ZNF100: variants seen among roughly 807,000 people sequenced by gnomAD.
ZNF100 encodes zinc finger protein 100.
A neutral mutation model predicts 15.8 loss-of-function variants in ZNF100; 12 were observed. The ratio of observed to expected loss-of-function variants is 0.76; its 90% CI spans 0.49 to 1.23. The LOEUF is 1.23. Among genes scored for constraint, ZNF100 ranks in the 50% most tolerant of loss-of-function variants. ZNF100 has a pLI of 0.00. For missense variants in ZNF100, 670 were observed against 635.6 expected (o/e 1.05, Z -0.58); for synonymous variants, 226 against 214.8 (o/e 1.05, Z -0.45).
At chr19:21,730,668 A>G (rs1258652195) in intron 4 of ZNF100, among the ~76,000 whole-genome samples, 13 of 152,208 alleles carry the variant, frequency 8.5e-5, no homozygotes, top group Admixed American at 3.9e-4. Flanking sequence ...ACAGAGGTAT[A>G]GAGAAGATTC....
chr19:21,727,265 T>G lies in ZNF100; in HGVS notation c.1047A>C (p.Glu349Asp). 2 of 1,613,696 alleles carry G rather than the reference T, an allele frequency of 1.2e-6. No individual in the cohort carries two copies. Among genetic ancestry groups the G allele is most frequent in the Non-Finnish European group, 1.7e-6 (2 of 1,179,932 alleles). Residue 349 changes from glutamate (E) to aspartate (D), a missense_variant, in exon 5 of 5, where the codon GAA becomes GAC. Coordinates refer to ENST00000358296, the MANE Select transcript of ZNF100 (RefSeq NM_173531.4). ...AGGACTGGTTAAAGGCTTTGCCACATTCTTCACATTTGTAGGGTTTCTCTC... is the reference window on the plus strand; with the variant it reads ...AGGACTGGTTAAAGGCTTTGCCACAGTCTTCACATTTGTAGGGTTTCTCTC... ...HTGEKPYKCE[E>D]CGKAFNQSST...
In ZNF100 at chr19:21,736,179, G is replaced by A. The variant is rs192151757; in HGVS notation, c.322+7838C>T. 3.6e-3 allele frequency among the ~76,000 whole-genome samples: 551 copies of A among 151,984 alleles called. 9 individuals carry two copies. The highest frequency in any genetic ancestry group is 0.013 in the African/African-American group (522 of 41,436). The stretch of plus-strand genomic sequence containing the variant: ...CTTGGCTCACTGCAACCTTCACTTC[G>A]CAGGTTCAAGTGATTCTCCTGCCTC... On this transcript the variant is annotated intron_variant, in intron 4 of 4. Coordinates refer to ENST00000358296, the MANE Select transcript of ZNF100 (RefSeq NM_173531.4).
intron 4 of ZNF100, among the ~76,000 whole-genome samples, chr19:21,735,419 C>T (rs10422982): frequency 6.7e-6 from 1 of 150,342 alleles, no homozygotes; most frequent in South Asian, 2.1e-4. Flanking sequence ...GCATGAACCC[C>T]GGAGGCGGAG....
chr19:21,760,426 C>T lies in ZNF100; in HGVS notation c.96+5268G>A, dbSNP rs185776794. 1.8e-4 allele frequency among the ~76,000 whole-genome samples: 28 copies of T among 151,578 alleles called. No individual in the cohort carries two copies. In the East Asian group the frequency reaches 4.6e-3, roughly 25 times the overall value. ...GGGAGAATCGCTTGAACCTGAGAGG[C>T]GGAGGTTGCAGTGAGCCAAGATTGC... On this transcript the variant is annotated intron_variant, in intron 2 of 4. Coordinates refer to ENST00000358296, the MANE Select transcript of ZNF100 (RefSeq NM_173531.4).
chr19:21,730,048 G>A (rs1245012829), intron 4 of ZNF100, among the ~76,000 whole-genome samples: 1 of 151,754 alleles, frequency 6.6e-6, no homozygotes, highest in Non-Finnish European at 1.5e-5. Flanking sequence ...GAGAAAATGA[G>A]TGACCAAGAT....
chr19:21,741,074 T>C (rs1259426464), intron 4 of ZNF100, among the ~76,000 whole-genome samples: 2 of 152,190 alleles, frequency 1.3e-5, no homozygotes, highest in Admixed American at 1.3e-4. Flanking sequence ...TGGAATATTA[T>C]ACAGACTTAA....
chr19:21,750,726 C>T (rs1240540272), intron 2 of ZNF100: 4 of 300,524 alleles, frequency 1.3e-5, no homozygotes, highest in Non-Finnish European at 2.4e-5. Context: ...AGCGAGGAGG[C>T]ACCTGCTTGC....
chr19:21,741,397 C>G (rs565094412), intron 4 of ZNF100, among the ~76,000 whole-genome samples: 1 of 151,874 alleles, frequency 6.6e-6, no homozygotes, highest in African/African-American at 2.4e-5. Flanking sequence ...TTTTTTGAGA[C>G]GGTGTTTTGC....
At chr19:21,745,902 A>T (rs1449711065) in intron 2 of ZNF100, among the ~76,000 whole-genome samples, 1 of 152,212 alleles carries the variant, frequency 6.6e-6, no homozygotes, top group Admixed American at 6.5e-5. Context: ...ACATCCAGTA[A>T]GTGGAAGAGC....
At chr19:21,733,757 GA>G (rs2145695658) in intron 4 of ZNF100, among the ~76,000 whole-genome samples, 1 of 152,244 alleles carries the variant, frequency 6.6e-6, no homozygotes, top group South Asian at 2.1e-4. Flanking sequence ...CTGACTGAGT[GA>G]GGACCACCCC....
At chr19:21,751,692 T>G in intron 2 of ZNF100, 2 of 1,212,088 alleles carry the variant, frequency 1.7e-6, no homozygotes, top group Non-Finnish European at 2.4e-6. Flanking sequence ...CAGTTTAATA[T>G]TAATGTTCCT....
Position 21,761,898 on chromosome 19 carries a change from C to T in ZNF100, c.96+3796G>A, listed in dbSNP as rs549856528. ...CACAGAGTTGAGTCTGTGGCTAGAGCCGGTCAGAAAGCATGAATCTGAAAG... is the reference window on the plus strand; with the variant it reads ...CACAGAGTTGAGTCTGTGGCTAGAGTCGGTCAGAAAGCATGAATCTGAAAG... On this transcript the variant is annotated intron_variant, in intron 2 of 4. Coordinates refer to ENST00000358296, the MANE Select transcript of ZNF100 (RefSeq NM_173531.4). 5.3e-5 allele frequency among the ~76,000 whole-genome samples: 8 copies of T among 152,290 alleles called. No individual in the cohort carries two copies. In the East Asian group the frequency reaches 1.2e-3, roughly 22 times the overall value.
chr19:21,765,584 AT>A, intron 2 of ZNF100, 109 bp downstream of exon 2: 2 of 926,922 alleles, frequency 2.2e-6, no homozygotes, highest in Non-Finnish European at 3.4e-6. Context: ...AGCAGAAATT[AT>A]TTTTGTGTTT....
chr19:21,767,464 G>A lies in ZNF100; in HGVS notation c.-35C>T. On this transcript the variant is annotated 5_prime_UTR_variant, in exon 1 of 5. Transcript: ENST00000358296. Reference sequence around the variant, plus strand: ...TCTAGGGGGTCCTGGCGTCTTAGCTGTGGATCTCCCAATATCTGCAGGTCA... The same window carrying A: ...TCTAGGGGGTCCTGGCGTCTTAGCTATGGATCTCCCAATATCTGCAGGTCA... The A allele has an allele frequency of 6.2e-7, 1 of 1,614,002 alleles. No individual in the cohort carries two copies. Among genetic ancestry groups the A allele is most frequent in the Non-Finnish European group, 8.5e-7 (1 of 1,179,920 alleles).
At chr19:21,751,966 G>A (rs2036314818) in intron 2 of ZNF100, 1 of 413,416 alleles carries the variant, frequency 2.4e-6, no homozygotes, top group Non-Finnish European at 4.4e-6. Flanking sequence ...CATCTACAAA[G>A]ACTGGAGAAA....
intron 3 of ZNF100, 33 bp downstream of exon 3, chr19:21,744,908 A>G (rs1459733161): frequency 1.3e-6 from 2 of 1,593,620 alleles, no homozygotes; most frequent in Admixed American, 3.8e-5. Context: ...CCTTTACGGT[A>G]TATTAGAAAT....
In ZNF100 at chr19:21,730,453, T is replaced by A. The variant is rs905026274; in HGVS notation, c.323-2464A>T. On this transcript the variant is annotated intron_variant, in intron 4 of 4. Transcript: ENST00000358296. ...CATTTACTGATAACCTAAGTGTGTG[T>A]GTGTGTGTGTGTGTGTGTGTGTGTG... Among the ~76,000 whole-genome samples the A allele has an allele frequency of 1.9e-3, 271 of 144,408 alleles. 1 individual carries two copies. Among genetic ancestry groups the A allele is most frequent in the African/African-American group, 7.6e-3 (267 of 35,176 alleles). 94.7% of individuals were successfully genotyped at this position (144,408 alleles called of 152,430 possible). A position where few individuals can be genotyped will look rare whatever the true frequency, so the allele number is the denominator to read the frequency against.
intron 1 of ZNF100, among the ~76,000 whole-genome samples, chr19:21,766,607 C>T (rs2036566903): frequency 6.6e-6 from 1 of 152,160 alleles, no homozygotes; most frequent in South Asian, 2.1e-4. Context: ...CTTCATCATA[C>T]ATTTTATAAA....
At chr19:21,765,229 A>T (rs1202597895) in intron 2 of ZNF100, among the ~76,000 whole-genome samples, 1 of 152,234 alleles carries the variant, frequency 6.6e-6, no homozygotes, top group African/African-American at 2.4e-5. Context: ...TAAGTGACAA[A>T]TATCTTCAAG....
Sources: allele counts gnomAD v4.1 joint callset (sites outside exome capture counted in the v4.1 genomes callset), GRCh38; gene constraint gnomAD v4.1.1; transcripts MANE v1.5; gene names NCBI Gene and HGNC (gene_info 2026-07-23, HGNC 2026-07-21).